TGFBR3: variants seen among roughly 807,000 people sequenced by gnomAD.
TGFBR3 encodes transforming growth factor beta receptor type 3.
TGFBR3 carries 46 observed loss-of-function variants against 87.9 expected under a neutral mutation model. The ratio of observed to expected loss-of-function variants is 0.52; its 90% CI spans 0.41 to 0.67. TGFBR3 has a LOEUF of 0.67. TGFBR3 is among the 30% of genes least tolerant of loss of function. The pLI is 0.00. For missense variants in TGFBR3, 866 were observed against 1,041.9 expected, an observed-to-expected ratio of 0.83 and a Z score of 2.32; for synonymous variants, 381 against 391.6, an observed-to-expected ratio of 0.97 and a Z score of 0.32.
At chr1:91,855,092 T>C (rs1460659569) in intron 2 of TGFBR3, among the ~76,000 whole-genome samples, 2 of 152,176 alleles carry the variant, frequency 1.3e-5, no homozygotes, top group African/African-American at 4.8e-5. Context: ...AGTTCAGAGC[T>C]TTCTGAGCAG....
chr1:91,814,163 C>T (rs1398816372), intron 2 of TGFBR3, among the ~76,000 whole-genome samples: 2 of 152,074 alleles, frequency 1.3e-5, no homozygotes, highest in Non-Finnish European at 2.9e-5. Flanking sequence ...GATTAGAAGT[C>T]GGGGTCCAAA....
chr1:91,712,716 G>T (rs1255583851), intron 12 of TGFBR3, among the ~76,000 whole-genome samples, 174 bp from the exon 13 acceptor site: 4 of 152,132 alleles, frequency 2.6e-5, no homozygotes, highest in Non-Finnish European at 5.9e-5. Flanking sequence ...GAAAGAAAAA[G>T]ATATTTTCCA....
chr1:91,788,769 T>C (rs937903553), intron 3 of TGFBR3, among the ~76,000 whole-genome samples: 1 of 152,214 alleles, frequency 6.6e-6, no homozygotes, highest in Non-Finnish European at 1.5e-5. Context: ...CTTGGGTCTA[T>C]TGCTTTTTTT....
chr1:91,769,865 A>G (rs2100929138), intron 3 of TGFBR3, among the ~76,000 whole-genome samples: 1 of 152,224 alleles, frequency 6.6e-6, no homozygotes, highest in South Asian at 2.1e-4. Flanking sequence ...CAGACTACAA[A>G]AACAGTCGTG....
At chr1:91,851,318 T>C (rs1204108439) in intron 2 of TGFBR3, among the ~76,000 whole-genome samples, 1 of 152,168 alleles carries the variant, frequency 6.6e-6, no homozygotes, top group Non-Finnish European at 1.5e-5. Flanking sequence ...TATGACTAGA[T>C]TGAAGTTCAG....
chr1:91,705,481 G>A (rs562654030), intron 14 of TGFBR3, among the ~76,000 whole-genome samples: 3 of 151,790 alleles, frequency 2.0e-5, no homozygotes, highest in Middle Eastern at 3.4e-3. Flanking sequence ...CACTCGCCTC[G>A]GCCTCCCAAA....
At chr1:91,692,141 A>C (rs1360003927) in intron 16 of TGFBR3, among the ~76,000 whole-genome samples, 6 of 152,396 alleles carry the variant, frequency 3.9e-5, no homozygotes, top group African/African-American at 1.4e-4. Flanking sequence ...TTAGGTAGTC[A>C]TAATAATGTA....
intron 14 of TGFBR3, among the ~76,000 whole-genome samples, chr1:91,705,609 T>C (rs1671776049): frequency 6.6e-6 from 1 of 152,142 alleles, no homozygotes; most frequent in Admixed American, 6.5e-5. Context: ...TGAGGATAAA[T>C]GATTTAGAGT....
chr1:91,686,607 T>TAAGA (rs111718357), intron 16 of TGFBR3, among the ~76,000 whole-genome samples: 7 of 151,416 alleles, frequency 4.6e-5, no homozygotes, highest in Non-Finnish European at 8.9e-5. Context: ...TTTGACAGAT[T>TAAGA]AAGTTTTTTC....
intron 16 of TGFBR3, among the ~76,000 whole-genome samples, chr1:91,693,159 T>C (rs1014823912): frequency 1.3e-5 from 2 of 152,234 alleles, no homozygotes; most frequent in African/African-American, 2.4e-5. Context: ...GTCTTCTTCA[T>C]GCTTGTATGA....
At chr1:91,883,860 A>G (rs755067495) in intron 1 of TGFBR3, among the ~76,000 whole-genome samples, 32 of 152,164 alleles carry the variant, frequency 2.1e-4, no homozygotes, top group Admixed American at 1.8e-3. Flanking sequence ...GAAATAGAGC[A>G]ACATCCTTTA....
chr1:91,746,176 C>T (rs1673338752), intron 4 of TGFBR3, among the ~76,000 whole-genome samples: 1 of 152,188 alleles, frequency 6.6e-6, no homozygotes, highest in Admixed American at 6.5e-5. Flanking sequence ...CAAACTTGAA[C>T]ATGAGCCAGT....
intron 3 of TGFBR3, among the ~76,000 whole-genome samples, chr1:91,773,242 ATTTT>A (rs3039444): frequency 6.7e-6 from 1 of 148,198 alleles, no homozygotes. Context: ...TAAATAAATG[ATTTT>A]TTTTTTTTTG....
At chr1:91,769,431 C>T (rs1198738066) in intron 3 of TGFBR3, among the ~76,000 whole-genome samples, 3 of 152,106 alleles carry the variant, frequency 2.0e-5, no homozygotes, top group Admixed American at 1.3e-4. Context: ...TCTGGGCACA[C>T]ACGGGCCCTG....
At chr1:91,764,671 T>C (rs897615623) in intron 3 of TGFBR3, among the ~76,000 whole-genome samples, 2 of 152,192 alleles carry the variant, frequency 1.3e-5, no homozygotes, top group Non-Finnish European at 2.9e-5. Context: ...CCACTACTGA[T>C]GCAAGTCTGA....
At chr1:91,814,209 G>C (rs1676124791) in intron 2 of TGFBR3, among the ~76,000 whole-genome samples, 1 of 145,798 alleles carries the variant, frequency 6.9e-6, no homozygotes, top group Admixed American at 7.1e-5. Flanking sequence ...GTAAGGAAAG[G>C]CATATGTATA....
intron 16 of TGFBR3, among the ~76,000 whole-genome samples, chr1:91,691,169 G>A (rs1671249114): frequency 6.6e-6 from 1 of 151,932 alleles, no homozygotes; most frequent in Non-Finnish European, 1.5e-5. Context: ...GAAAATTAAA[G>A]GACAAGAGGT....
At chr1:91,740,974 T>A (rs1160763659) in intron 4 of TGFBR3, among the ~76,000 whole-genome samples, 3 of 152,196 alleles carry the variant, frequency 2.0e-5, no homozygotes, top group Non-Finnish European at 4.4e-5. Flanking sequence ...ACAACCTATT[T>A]TTCTCTATGC....
chr1:91,904,598 CTT>C, intron 1 of TGFBR3, among the ~76,000 whole-genome samples: 1 of 141,240 alleles, frequency 7.1e-6, no homozygotes, highest in Admixed American at 7.6e-5. Flanking sequence ...GAGTCTCACT[CTT>C]GTCACCCAGG....
Sources: allele counts gnomAD v4.1 joint callset (sites outside exome capture counted in the v4.1 genomes callset), GRCh38; gene constraint gnomAD v4.1.1; transcripts MANE v1.5; gene names NCBI Gene and HGNC (gene_info 2026-07-23, HGNC 2026-07-21).